PSME4: variants seen among roughly 807,000 people sequenced by gnomAD.
The protein encoded by PSME4 is proteasome activator complex subunit 4.
PSME4 carries 89 observed loss-of-function variants against 253.9 expected under a neutral mutation model. That is an observed-to-expected ratio of 0.35 (90% confidence interval 0.30 to 0.42). The LOEUF is 0.42. Among genes scored for constraint, PSME4 ranks in the 10% least tolerant of loss-of-function variants. The pLI is 1.00. For synonymous variants in PSME4, 851 were observed against 759.2 expected (o/e 1.12, Z -1.99); for missense variants, 2,014 against 2,195.2 (o/e 0.92, Z 1.65).
At chr2:53,893,520 C>T (rs567124842) in intron 35 of PSME4, among the ~76,000 whole-genome samples, 154 bp downstream of exon 35, 6 of 152,196 alleles carry the variant, frequency 3.9e-5, no homozygotes, top group South Asian at 2.1e-4. Context: ...TAGGGAATAA[C>T]GACAACAAAA....
chr2:53,908,086 T>C (rs111767506), intron 24 of PSME4: 357 of 460,504 alleles, frequency 7.8e-4, no homozygotes, highest in African/African-American at 6.5e-3. Context: ...CAAATTCCCA[T>C]TGAGAGTTTA....
chr2:53,908,679 C>T lies in PSME4; in HGVS notation c.2629+105G>A, dbSNP rs929508226. ...AAAAAATCACTGCCCAATATTCTCA[C>T]CATTTAGAATAAAAAACATTAAGTA... On this transcript the variant is annotated intron_variant, in intron 22 of 46. Transcript: ENST00000404125. 4.2e-6 allele frequency: 6 copies of T among 1,432,264 alleles called. No homozygotes were observed. In the South Asian group the frequency reaches 7.8e-5, roughly 19 times the overall value. The allele number at this position is 1,432,264 out of a possible 1,614,324, so 88.7% of individuals were successfully genotyped here. A position where few individuals can be genotyped will look rare whatever the true frequency, so the allele number is the denominator to read the frequency against.
At chr2:53,879,170 C>A (rs1679266686) in intron 41 of PSME4, among the ~76,000 whole-genome samples, 1 of 149,764 alleles carries the variant, frequency 6.7e-6, no homozygotes, top group South Asian at 2.1e-4. Context: ...CAATGTATGT[C>A]TACCCTCCTA....
chr2:53,937,458 C>A lies in PSME4; in HGVS notation c.628G>T (p.Ala210Ser), dbSNP rs771066409. The A allele has an allele frequency of 6.2e-7, 1 of 1,610,114 alleles. No homozygotes were observed. The highest frequency in any genetic ancestry group is 8.5e-7 in the Non-Finnish European group (1 of 1,177,488). The change falls in exon 5 of 47, where the codon GCC becomes TCC. Residue 210 changes from alanine to serine, a missense_variant. Ala to Ser is a moderately conservative substitution (Grantham distance 99). Around this residue, in one of 4 missense-constraint regions of PSME4, gnomAD observed 615 missense variants for 594.4 expected, o/e 1.03. Coordinates refer to ENST00000404125, the MANE Select transcript of PSME4 (RefSeq NM_014614.3). ...MCPFDVTMQK[A>S]ITYFEIFLPT... ...AGAAATATTTCAAAATAAGTGATGG[C>A]CTTTTGCATGGTTACATCAAAAGGG...
At chr2:53,954,578 C>T (rs750299016) in intron 1 of PSME4, among the ~76,000 whole-genome samples, 4 of 152,120 alleles carry the variant, frequency 2.6e-5, no homozygotes. Flanking sequence ...GTGAGTCACA[C>T]TTGTAGTCCC....
At position 53,875,691 on chromosome 2, in the gene PSME4, G is replaced by A; in HGVS notation, c.4880C>T (p.Ser1627Leu). 1 of 1,612,910 alleles carries A rather than the reference G, an allele frequency of 6.2e-7. No individual in the cohort carries two copies. Among genetic ancestry groups the A allele is most frequent in the Non-Finnish European group, 8.5e-7 (1 of 1,179,068 alleles). The change falls in exon 42 of 47, where the codon TCA becomes TTA. Residue 1627 changes from serine to leucine, a missense_variant. Ser to Leu is a moderately radical substitution (Grantham distance 145). Coordinates refer to ENST00000404125, the MANE Select transcript of PSME4 (RefSeq NM_014614.3). ...GTAAAGCAACCCCTGAGACATTAAT[G>A]ATAAACATAACTTTGCATCTCTTTT... ...ELKRDAKLCL[S>L]LMSQGLLYPH... is the part of the protein sequence containing the mutation.
In PSME4 at chr2:53,950,613, G is replaced by A. The variant is rs1312236541; in HGVS notation, c.243-1330C>T. On this transcript the variant is annotated intron_variant, in intron 1 of 46. Transcript: ENST00000404125. Reference sequence around the variant, plus strand: ...TCCCAGCACTTTGGGAGGCCGACGTGGGTGGATTACCTGAGGTCAGGAGTT... The same window carrying A: ...TCCCAGCACTTTGGGAGGCCGACGTAGGTGGATTACCTGAGGTCAGGAGTT... Among the ~76,000 whole-genome samples, 4 of 151,960 alleles carry A rather than the reference G, an allele frequency of 2.6e-5. No homozygotes were observed. In the East Asian group the frequency reaches 5.8e-4, roughly 22 times the overall value.
chr2:53,869,370 T>C lies in PSME4; in HGVS notation c.5263+6A>G, dbSNP rs1377429068. 6 of 1,596,514 alleles carry C rather than the reference T, an allele frequency of 3.8e-6. No homozygotes were observed. The highest frequency in any genetic ancestry group is 1.3e-5 in the African/African-American group (1 of 74,786). ...GGATACAGGTGTTTCCTACCAGCAA[T>C]GTTACCTGCAGAAGGAATGGTATCT... On this transcript the variant is annotated splice_donor_region_variant and intron_variant, in intron 44 of 46. Coordinates refer to ENST00000404125, the MANE Select transcript of PSME4 (RefSeq NM_014614.3).
chr2:53,943,115 A>G (rs1669529240), intron 3 of PSME4, among the ~76,000 whole-genome samples: 2 of 152,218 alleles, frequency 1.3e-5, no homozygotes, highest in African/African-American at 4.8e-5. Flanking sequence ...AACCAGGGAA[A>G]AGTATAGCAA....
chr2:53,883,774 C>A (rs1383236920), intron 41 of PSME4, among the ~76,000 whole-genome samples: 1 of 151,678 alleles, frequency 6.6e-6, no homozygotes, highest in Non-Finnish European at 1.5e-5. Context: ...TACACCCATT[C>A]CCTTGATGAT....
chr2:53,970,444 G>C (rs1214048011), intron 1 of PSME4, 99 bp downstream of exon 1: 1 of 1,523,068 alleles, frequency 6.6e-7, no homozygotes, highest in South Asian at 1.2e-5. Flanking sequence ...AGCGAGGACA[G>C]AGCTAAGGGT....
At chr2:53,874,629 A>G in intron 42 of PSME4, 135 bp from the exon 43 acceptor site, 1 of 898,504 alleles carries the variant, frequency 1.1e-6, no homozygotes, top group Non-Finnish European at 1.7e-6. Flanking sequence ...GGACAAGCTC[A>G]TATTTCGTTA....
At chr2:53,891,025 T>TA (rs141106846) in intron 36 of PSME4, among the ~76,000 whole-genome samples, 10,281 of 152,210 alleles carry the variant, frequency 0.068, 554 homozygotes, top group East Asian at 0.26. Flanking sequence ...AGACTCCGTC[T>TA]AAAAAAACAA....
intron 43 of PSME4, among the ~76,000 whole-genome samples, chr2:53,871,258 CT>C (rs888306999): frequency 2.2e-4 from 33 of 147,082 alleles, no homozygotes; most frequent in South Asian, 2.1e-4. Context: ...TATCTGTATA[CT>C]TTTTTTTTTT....
chr2:53,925,476 A>T, intron 14 of PSME4, 63 bp downstream of exon 14: 1 of 1,387,718 alleles, frequency 7.2e-7, no homozygotes, highest in Non-Finnish European at 9.7e-7. Flanking sequence ...ACTTGAAGTC[A>T]ATTTTAAAAC....
At position 53,936,382 on chromosome 2, in the gene PSME4, A is replaced by G. The variant is rs140649578; in HGVS notation, c.760-221T>C. ...TAAAATGCTTCTAAAAAGAAAAATG[A>G]CAAAGCACCATCCACAATGAATATA... is the stretch of plus-strand genomic sequence containing the variant. On this transcript the variant is annotated intron_variant, in intron 6 of 46. Transcript: ENST00000404125. 7.2e-5 allele frequency among the ~76,000 whole-genome samples: 11 copies of G among 152,338 alleles called. No homozygotes were observed. The East Asian group carries it at 2.1e-3, about 29-fold the overall frequency.
chr2:53,868,452 CA>C (rs1192354050), intron 44 of PSME4, among the ~76,000 whole-genome samples: 2 of 134,488 alleles, frequency 1.5e-5, no homozygotes, highest in Non-Finnish European at 3.1e-5. Context: ...ATCCTGTTTC[CA>C]AAAAATATAT....
intron 32 of PSME4, among the ~76,000 whole-genome samples, chr2:53,896,131 T>C (rs898099371): frequency 1.3e-5 from 2 of 152,244 alleles, no homozygotes; most frequent in South Asian, 4.1e-4. Context: ...ATATTCTCTC[T>C]CTCTCCACAC....
At chr2:53,866,324 C>T in intron 45 of PSME4, 101 bp from the exon 46 acceptor site, 3 of 1,277,234 alleles carry the variant, frequency 2.3e-6, no homozygotes, top group East Asian at 2.4e-5. Flanking sequence ...GACTTCAGAT[C>T]TCACACAATA....
Sources: gnomAD v4.1 joint callset for allele counts (sites outside exome capture counted in the v4.1 genomes callset) on GRCh38, gnomAD v4.1.1 for gene constraint, gnomAD v4.1.1 regional missense constraint, MANE v1.5 for transcripts, NCBI Gene and HGNC (gene_info 2026-07-23, HGNC 2026-07-21) for gene names.